Variants in DYNC1LI1 observed in about 807,000 individuals in gnomAD.
DYNC1LI1 encodes the protein dynein cytoplasmic 1 light intermediate chain 1.
A neutral mutation model predicts 63.8 loss-of-function variants in DYNC1LI1; 19 were observed. The observed-to-expected ratio is 0.30, with a 90% CI of 0.21 to 0.44. DYNC1LI1 has a LOEUF of 0.44. DYNC1LI1 is among the 20% of genes least tolerant of loss of function. The pLI, the probability that DYNC1LI1 is intolerant of heterozygous loss-of-function variation, is 1.00. For missense variants in DYNC1LI1, 565 were observed against 630.2 expected (o/e 0.90, Z 1.11); for synonymous variants, 225 against 232.3 (o/e 0.97, Z 0.28).
rs1427349543 is a variant in DYNC1LI1 at position 32,526,894 on chromosome 3, A to C, written c.1477T>G (p.Leu493Val). Residue 493 changes from leucine (L) to valine (V), a missense_variant, in exon 13 of 13, where the codon TTA (leucine) becomes GTA (valine). Leu to Val is a conservative substitution (Grantham distance 32, BLOSUM62 1). Coordinates refer to ENST00000273130, the MANE Select transcript of DYNC1LI1 (RefSeq NM_016141.4). ...CTGTCTAGTTCTGCATGAACATCTA[A>C]GACAGGCTTCTGGCCTACATTGAAG... ...STKKSGQKPV[L>V]DVHAELDRIT... 1.2e-6 allele frequency: 2 copies of C among 1,613,770 alleles called. No individual in the cohort carries two copies. Among genetic ancestry groups the C allele is most frequent in the East Asian group, 4.5e-5 (2 of 44,870 alleles).
chr3:32,530,166 T>C (rs1268442769), intron 10 of DYNC1LI1, 118 bp downstream of exon 10: 6 of 841,252 alleles, frequency 7.1e-6, no homozygotes, highest in Non-Finnish European at 1.1e-5. Flanking sequence ...ACAGAAGAAT[T>C]CTGAATTCAA....
chr3:32,537,661 G>A (rs1410293228), intron 5 of DYNC1LI1, among the ~76,000 whole-genome samples: 1 of 150,482 alleles, frequency 6.6e-6, no homozygotes, highest in African/African-American at 2.4e-5. Flanking sequence ...AATGTCGCCT[G>A]TACAATCAAT....
At chr3:32,568,909 C>CA (rs1171885666) in intron 2 of DYNC1LI1, among the ~76,000 whole-genome samples, 4 of 152,002 alleles carry the variant, frequency 2.6e-5, no homozygotes, top group Non-Finnish European at 4.4e-5. Context: ...ATATATTATA[C>CA]AATTTTTTTT....
chr3:32,542,662 C>G (rs1408064919), intron 4 of DYNC1LI1, among the ~76,000 whole-genome samples: 3 of 152,190 alleles, frequency 2.0e-5, no homozygotes, highest in Non-Finnish European at 4.4e-5. Context: ...GCCTTGGCCT[C>G]CCCAAGTGTT....
At chr3:32,543,508 C>T (rs1575153158) in intron 4 of DYNC1LI1, among the ~76,000 whole-genome samples, 1 of 150,916 alleles carries the variant, frequency 6.6e-6, no homozygotes, top group East Asian at 2.0e-4. Context: ...CAAGCAATTC[C>T]CTGCCTCAGC....
chr3:32,546,633 G>A (rs1033085197), intron 2 of DYNC1LI1, among the ~76,000 whole-genome samples: 6 of 152,118 alleles, frequency 3.9e-5, no homozygotes, highest in Admixed American at 3.9e-4. Context: ...CTTTCAATCT[G>A]AAGAACCTCA....
chr3:32,564,528 A>C (rs932322674), intron 2 of DYNC1LI1, among the ~76,000 whole-genome samples: 8 of 152,242 alleles, frequency 5.3e-5, no homozygotes, highest in Non-Finnish European at 1.2e-4. Flanking sequence ...TACAAAGCCT[A>C]AACTATTTAC....
At chr3:32,559,723 G>A (rs1236224231) in intron 2 of DYNC1LI1, among the ~76,000 whole-genome samples, 1 of 152,182 alleles carries the variant, frequency 6.6e-6, no homozygotes, top group South Asian at 2.1e-4. Context: ...GGAACATCAG[G>A]AGACAGGGAA....
chr3:32,565,721 T>G (rs1698249490), intron 2 of DYNC1LI1, among the ~76,000 whole-genome samples: 2 of 152,190 alleles, frequency 1.3e-5, no homozygotes, highest in Non-Finnish European at 2.9e-5. Flanking sequence ...GCGAGTCTCC[T>G]GCCTCAGCCT....
chr3:32,539,759 T>C (rs1559437177), intron 5 of DYNC1LI1, among the ~76,000 whole-genome samples: 1 of 151,528 alleles, frequency 6.6e-6, no homozygotes, highest in Non-Finnish European at 1.5e-5. Context: ...ATGGTCTCGA[T>C]CTCCTGATCT....
chr3:32,530,573 TTAA>T (rs1403641275), intron 8 of DYNC1LI1, 53 bp from the exon 9 acceptor site: 2 of 1,420,126 alleles, frequency 1.4e-6, no homozygotes, highest in African/African-American at 1.4e-5. Context: ...GCTAACACAA[TTAA>T]TAATTTATTC....
rs1458875870 is a variant in DYNC1LI1 at position 32,526,758 on chromosome 3, A to T, written c.*41T>A. On this transcript the variant is annotated 3_prime_UTR_variant, in exon 13 of 13. Transcript: ENST00000273130. ...AAGGAAAAGGCAGAGGCATGTTTACATTATCCCAGAAAACAGAATAAATGG... is the reference window on the plus strand; with the variant it reads ...AAGGAAAAGGCAGAGGCATGTTTACTTTATCCCAGAAAACAGAATAAATGG... 3 of 1,459,246 alleles carry T rather than the reference A, an allele frequency of 2.1e-6. No individual in the cohort carries two copies. The African/African-American group carries it at 4.2e-5, about 20-fold the overall frequency. The allele number at this position is 1,459,246 out of a possible 1,614,324, so 90.4% of individuals were successfully genotyped here.
intron 11 of DYNC1LI1, 112 bp downstream of exon 11, chr3:32,529,428 C>T (rs1697666186): frequency 9.7e-7 from 1 of 1,027,824 alleles, no homozygotes; most frequent in African/African-American, 1.6e-5. Flanking sequence ...GAGACAAAGC[C>T]TAAAAGGTAT....
At chr3:32,530,654 A>G in intron 8 of DYNC1LI1, 134 bp from the exon 9 acceptor site, 2 of 768,340 alleles carry the variant, frequency 2.6e-6, no homozygotes, top group South Asian at 3.5e-5. Context: ...TTATATTCAC[A>G]TGCGTGAGCT....
intron 7 of DYNC1LI1, 46 bp downstream of exon 7, chr3:32,534,462 ATAG>A: frequency 1.5e-6 from 2 of 1,344,010 alleles, no homozygotes; most frequent in Non-Finnish European, 2.1e-6. Flanking sequence ...TCACCATCAA[ATAG>A]TAGCAATAAT....
At chr3:32,562,096 G>C (rs187108498) in intron 2 of DYNC1LI1, among the ~76,000 whole-genome samples, 262 of 152,114 alleles carry the variant, frequency 1.7e-3, no homozygotes, top group African/African-American at 6.0e-3. Flanking sequence ...AACATAGTGA[G>C]ACTCCCATCT....
chr3:32,537,998 TTATATATATAATA>T (rs1697813982), intron 5 of DYNC1LI1, among the ~76,000 whole-genome samples: 2 of 47,754 alleles, frequency 4.2e-5, no homozygotes, highest in African/African-American at 2.1e-4. Context: ...TATATATAAT[TTATATATATAATA>T]TATATATATA....
chr3:32,536,895 CAGA>C (rs777440333), intron 6 of DYNC1LI1, 113 bp downstream of exon 6: 11 of 580,534 alleles, frequency 1.9e-5, no homozygotes, highest in Non-Finnish European at 3.3e-5. Context: ...CAACCAGAGA[CAGA>C]AGGAGAAATG....
intron 5 of DYNC1LI1, among the ~76,000 whole-genome samples, chr3:32,538,067 T>TTATA (rs1312593963): frequency 1.5e-5 from 1 of 68,872 alleles, no homozygotes; most frequent in South Asian, 3.5e-4. Context: ...ATATAATTTA[T>TTATA]TATATATATA....
Sources: allele counts gnomAD v4.1 joint callset (sites outside exome capture counted in the v4.1 genomes callset), GRCh38; gene constraint gnomAD v4.1.1; transcripts MANE v1.5; gene names NCBI Gene and HGNC (gene_info 2026-07-23, HGNC 2026-07-21).